Variants in WDFY4 observed in about 807,000 individuals in gnomAD.
WDFY4 encodes the protein WD repeat- and FYVE domain-containing protein 4.
A neutral mutation model predicts 351.9 loss-of-function variants in WDFY4; 169 were observed. The ratio of observed to expected loss-of-function variants is 0.48; its 90% CI spans 0.42 to 0.55. WDFY4 has a LOEUF of 0.55. Ranked by LOEUF, WDFY4 falls within the 20% of genes least tolerant of loss-of-function variation. The pLI is 0.00. For missense variants in WDFY4, 3,803 were observed against 3,935.6 expected (o/e 0.97, Z 0.90); for synonymous variants, 1,622 against 1,574.6 (o/e 1.03, Z -0.71).
rs117855621 is a variant in WDFY4, at chr10:48,732,687, T to A, written c.1582+1125T>A. Among the ~76,000 whole-genome samples, 49 of 152,352 alleles carry A rather than the reference T, an allele frequency of 3.2e-4. 1 individual carries two copies. In the East Asian group the frequency reaches 6.4e-3, roughly 20 times the overall value. ...AATGATGTTGACATCATTGGAATGT[T>A]GTGAGATTTTAACGAGGGAATCTCT... On this transcript the variant is annotated intron_variant, in intron 9 of 61. Transcript: ENST00000325239.
intron 11 of WDFY4, among the ~76,000 whole-genome samples, chr10:48,741,026 C>A (rs898187900): frequency 6.6e-6 from 1 of 152,108 alleles, no homozygotes; most frequent in African/African-American, 2.4e-5. Flanking sequence ...CTCCTAGTAA[C>A]TGCAATCTGT....
chr10:48,764,158 A>G (rs141650490), intron 13 of WDFY4, among the ~76,000 whole-genome samples: 2 of 152,358 alleles, frequency 1.3e-5, no homozygotes, highest in East Asian at 3.9e-4. Flanking sequence ...ATGGCTTTCC[A>G]AAGTGCACAT....
chr10:48,690,797 G>C (rs1457880295), intron 1 of WDFY4, among the ~76,000 whole-genome samples: 5 of 152,184 alleles, frequency 3.3e-5, no homozygotes, highest in Non-Finnish European at 7.4e-5. Context: ...GCTGAACCCA[G>C]GGTTTTTATG....
At chr10:48,888,193 G>GT (rs1456932796) in intron 43 of WDFY4, among the ~76,000 whole-genome samples, 2 of 152,074 alleles carry the variant, frequency 1.3e-5, no homozygotes, top group Non-Finnish European at 2.9e-5. Flanking sequence ...ATGCCACACA[G>GT]TTACTCAAGT....
chr10:48,934,978 C>G (rs1297859138), intron 47 of WDFY4, among the ~76,000 whole-genome samples: 1 of 152,202 alleles, frequency 6.6e-6, no homozygotes, highest in Non-Finnish European at 1.5e-5. Flanking sequence ...GACTGGGGCT[C>G]AGGCAAGCTT....
intron 24 of WDFY4, among the ~76,000 whole-genome samples, chr10:48,802,238 T>C (rs2067111178): frequency 6.6e-6 from 1 of 152,118 alleles, no homozygotes. Context: ...TAGCTAGGCA[T>C]GGTGGTGCAA....
intron 39 of WDFY4, among the ~76,000 whole-genome samples, chr10:48,834,163 A>G (rs1387562456): frequency 1.3e-5 from 2 of 152,258 alleles, no homozygotes. Flanking sequence ...GTTCATTGAT[A>G]GACTCACTGA....
At chr10:48,959,835 G>C (rs576312950) in intron 53 of WDFY4, 22 bp downstream of exon 53, 2 of 1,537,564 alleles carry the variant, frequency 1.3e-6, no homozygotes, top group East Asian at 4.9e-5. Flanking sequence ...CAGGACCCCT[G>C]GTATCCTGCT....
intron 47 of WDFY4, among the ~76,000 whole-genome samples, chr10:48,936,583 A>G (rs1221896218): frequency 2.0e-5 from 3 of 147,624 alleles, no homozygotes; most frequent in Non-Finnish European, 4.5e-5. Flanking sequence ...CATGCCTGTA[A>G]TTCCAGCACT....
intron 47 of WDFY4, among the ~76,000 whole-genome samples, chr10:48,915,183 A>G (rs1305846336): frequency 1.3e-5 from 2 of 152,208 alleles, no homozygotes; most frequent in African/African-American, 4.8e-5. Context: ...ACTATAAAGC[A>G]CTTATAACAG....
intron 47 of WDFY4, among the ~76,000 whole-genome samples, chr10:48,924,078 C>T (rs1839361485): frequency 1.3e-5 from 2 of 152,354 alleles, no homozygotes; most frequent in South Asian, 4.1e-4. Context: ...GGCTCCAAGC[C>T]TGCCCATTAA....
At chr10:48,688,369 T>C (rs139114880) in intron 1 of WDFY4, among the ~76,000 whole-genome samples, 2 of 152,340 alleles carry the variant, frequency 1.3e-5, no homozygotes, top group East Asian at 3.9e-4. Flanking sequence ...CAGATTTGAC[T>C]GGAAATATAA....
Position 48,723,523 on chromosome 10 carries a change from G to A in WDFY4, c.547G>A (p.Glu183Lys). 6.4e-7 allele frequency: 1 copy of A among 1,551,852 alleles called. No individual in the cohort carries two copies. The highest frequency in any genetic ancestry group is 2.4e-5 in the East Asian group (1 of 40,920). ...CTTTGTCTTTCCTCTGGACAAAGATGAGCTTCTTGAGAGTGATCTTCAAGT... is the reference window on the plus strand; with the variant it reads ...CTTTGTCTTTCCTCTGGACAAAGATAAGCTTCTTGAGAGTGATCTTCAAGT... ...LFFVFPLDKD[E>K]LLESDLQVQK... Residue 183 changes from glutamate to lysine, a missense_variant, in exon 5 of 62, where the codon GAG becomes AAG. Physicochemically the swap from Glu to Lys is moderately conservative, Grantham distance 56 (BLOSUM62 1). This residue lies in a region of WDFY4 where 488 missense variants were observed against 456.8 expected (regional missense o/e 1.07). Coordinates refer to ENST00000325239, the MANE Select transcript of WDFY4 (RefSeq NM_001394531.1).
intron 43 of WDFY4, among the ~76,000 whole-genome samples, chr10:48,888,669 G>C (rs572042779): frequency 2.0e-5 from 3 of 152,150 alleles, no homozygotes. Flanking sequence ...TAGCCGTACT[G>C]ACCACTTTCT....
chr10:48,868,176 C>G (rs2069622426), intron 40 of WDFY4, among the ~76,000 whole-genome samples: 1 of 152,156 alleles, frequency 6.6e-6, no homozygotes. Flanking sequence ...TGTCTAGTTT[C>G]CCCCTTAAAA....
Position 48,699,327 on chromosome 10 carries a change from G to A in WDFY4, c.-17-10389G>A, listed in dbSNP as rs74763405. 1.6e-4 allele frequency among the ~76,000 whole-genome samples: 25 copies of A among 152,312 alleles called. No individual in the cohort carries two copies. The East Asian group carries it at 3.3e-3, about 20-fold the overall frequency. ...CAGCATGGGGACTTCGGAGCCAGCA[G>A]GGGCAGAGGCACAGGGACCTATTGT... On this transcript the variant is annotated intron_variant, in intron 1 of 61. Coordinates refer to ENST00000325239, the MANE Select transcript of WDFY4 (RefSeq NM_001394531.1).
intron 39 of WDFY4, among the ~76,000 whole-genome samples, chr10:48,846,179 G>A (rs138205929): frequency 6.6e-6 from 1 of 152,374 alleles, no homozygotes; most frequent in Non-Finnish European, 1.5e-5. Context: ...GACCCCAGCT[G>A]CTTATCCAAG....
intron 39 of WDFY4, among the ~76,000 whole-genome samples, chr10:48,863,882 G>C (rs1363176892): frequency 1.3e-5 from 2 of 152,162 alleles, no homozygotes; most frequent in African/African-American, 2.4e-5. Flanking sequence ...TCTTCACAAG[G>C]TGGTGGGAAG....
chr10:48,949,637 G>C (rs1281976147), intron 51 of WDFY4, among the ~76,000 whole-genome samples: 1 of 152,216 alleles, frequency 6.6e-6, no homozygotes, highest in African/African-American at 2.4e-5. Flanking sequence ...GAGTGGGGAA[G>C]AGTGAGAGAC....
Sources: gnomAD v4.1 joint callset for allele counts (sites outside exome capture counted in the v4.1 genomes callset) on GRCh38, gnomAD v4.1.1 for gene constraint, gnomAD v4.1.1 regional missense constraint, MANE v1.5 for transcripts, NCBI Gene and HGNC (gene_info 2026-07-23, HGNC 2026-07-21) for gene names.